HIBCH: variants seen among roughly 807,000 people sequenced by gnomAD.
HIBCH encodes the protein 3-hydroxyisobutyryl-CoA hydrolase.
HIBCH carries 50 observed loss-of-function variants against 58.2 expected under a neutral mutation model. That is an observed-to-expected ratio of 0.86 (90% CI 0.68 to 1.09). HIBCH has a LOEUF of 1.09. HIBCH is among the 50% of genes least tolerant of loss of function. HIBCH has a pLI of 0.00. For synonymous variants in HIBCH, 151 were observed against 146.9 expected (o/e 1.03, Z -0.20); for missense variants, 450 against 449.7 (o/e 1.00, Z -0.01).
chr2:190,252,089 C>T lies in HIBCH; in HGVS notation c.663+73G>A, dbSNP rs920309417. The T allele has an allele frequency of 2.9e-6, 4 of 1,401,244 alleles. No homozygotes were observed. The African/African-American group carries it at 4.2e-5, about 15-fold the overall frequency. 86.8% of individuals were successfully genotyped at this position (1,401,244 alleles called of 1,614,324 possible). On this transcript the variant is annotated intron_variant, in intron 8 of 13. Coordinates refer to ENST00000359678, the MANE Select transcript of HIBCH (RefSeq NM_014362.4). ...CCAGAAGTCTGTGGCTCTCAACCAC[C>T]CATTGTACCTTCCCATGCACTATTT...
At chr2:190,212,653 G>A (rs1480213392) in intron 12 of HIBCH, among the ~76,000 whole-genome samples, 1 of 151,990 alleles carries the variant, frequency 6.6e-6, no homozygotes, top group East Asian at 1.9e-4. Context: ...TATATGCCTT[G>A]CCCAAGGTCA....
chr2:190,252,364 T>A (rs1292518498), intron 7 of HIBCH, 57 bp from the exon 8 acceptor site: 3 of 1,461,156 alleles, frequency 2.1e-6, no homozygotes, highest in Non-Finnish European at 2.9e-6. Context: ...AAGATAAATA[T>A]AACCTTTTTG....
chr2:190,259,318 G>GGTGTGTGTGTGTGT (rs1364718798), intron 7 of HIBCH, among the ~76,000 whole-genome samples: 7 of 71,202 alleles, frequency 9.8e-5, no homozygotes, highest in Admixed American at 1.7e-4. Context: ...TCAGTATACA[G>GGTGTGTGTGTGTGT]ATGTGTGTGT....
rs1326393490 is a variant in HIBCH at position 190,243,587 on chromosome 2, A to G, written c.891+1300T>C. On this transcript the variant is annotated intron_variant, in intron 11 of 13. Coordinates refer to ENST00000359678, the MANE Select transcript of HIBCH (RefSeq NM_014362.4). This position sits in a 1 kb window ranked among gnomAD's most constrained non-coding sequence, Gnocchi z 4.1. ...AATAAATGGCTGGTCTACCTGCTCT[A>G]ATTTATGCCCATCCTTGAAAGTTAA... is the stretch of plus-strand genomic sequence containing the variant. 2.0e-5 allele frequency among the ~76,000 whole-genome samples: 3 copies of G among 152,154 alleles called. No individual in the cohort carries two copies.
intron 9 of HIBCH, among the ~76,000 whole-genome samples, chr2:190,248,210 A>C (rs957539627): frequency 2.0e-5 from 3 of 152,212 alleles, no homozygotes; most frequent in South Asian, 2.1e-4. Context: ...TATGCAAAGC[A>C]CTAAAATTAG....
Position 190,244,946 on chromosome 2 carries a change from C to T in HIBCH, c.832G>A (p.Glu278Lys), listed in dbSNP as rs778325186. The T allele has an allele frequency of 4.4e-6, 7 of 1,608,534 alleles. No homozygotes were observed. The highest frequency in any genetic ancestry group is 6.0e-6 in the Non-Finnish European group (7 of 1,175,006). The stretch of plus-strand genomic sequence containing the variant: ...TGCTGTAAGTTTTCAATAATTTCTT[C>T]CACAGTATTGGCTGAAAAACAACTA... ...INSCFSANTV[E>K]EIIENLQQDG... The change falls in exon 11 of 14, where the codon GAA becomes AAA. Residue 278 changes from glutamate (E) to lysine (K), a missense_variant. Transcript: ENST00000359678.
intron 2 of HIBCH, among the ~76,000 whole-genome samples, chr2:190,298,980 A>G (rs2664260): frequency 0.55 from 83,914 of 152,012 alleles, 23,852 homozygotes; most frequent in South Asian, 0.6. Context: ...CAGTTTTCCC[A>G]GCACCATTTA....
rs953362395 is a variant in HIBCH at position 190,194,359 on chromosome 2, T to G, written c.*18-4362A>C. Among the ~76,000 whole-genome samples, 3 of 152,142 alleles carry G rather than the reference T, an allele frequency of 2.0e-5. No individual in the cohort carries two copies. The East Asian group carries it at 5.8e-4, about 29-fold the overall frequency. On this transcript the variant is annotated intron_variant, in intron 1 of 1. Coordinates refer to the HIBCH transcript ENST00000399855. ...GTTTGTCAGTTTTAAGTTGTGTATC[T>G]TTTATAGATAGCATATAGTGGGTGT...
intron 2 of HIBCH, among the ~76,000 whole-genome samples, chr2:190,303,401 G>A (rs1341752141): frequency 6.8e-6 from 1 of 146,868 alleles, no homozygotes; most frequent in Non-Finnish European, 1.5e-5. Flanking sequence ...CACGAAATGA[G>A]TCCAGAGCAT....
intron 6 of HIBCH, among the ~76,000 whole-genome samples, chr2:190,275,562 G>C (rs1687525319): frequency 6.6e-6 from 1 of 152,300 alleles, no homozygotes; most frequent in South Asian, 2.1e-4. Flanking sequence ...TATGAATTAC[G>C]CTAAAATTGA....
intron 6 of HIBCH, chr2:190,280,003 G>A (rs1687661525): frequency 6.6e-6 from 1 of 152,260 alleles, no homozygotes; most frequent in African/African-American, 2.4e-5. Flanking sequence ...CTGTACTCTT[G>A]TAGCAAAACT....
chr2:190,220,435 C>G (rs552331843), intron 11 of HIBCH: 1 of 152,092 alleles, frequency 6.6e-6, no homozygotes, highest in African/African-American at 2.4e-5. Flanking sequence ...GACTTCGGTA[C>G]AGGAAAAGTT....
chr2:190,257,271 T>A (rs993180101), intron 7 of HIBCH, among the ~76,000 whole-genome samples: 1 of 152,152 alleles, frequency 6.6e-6, no homozygotes, highest in African/African-American at 2.4e-5. Context: ...TGTAGTAACA[T>A]CTTTAAATTA....
At chr2:190,205,869 GA>G (rs903688424) in intron 13 of HIBCH, among the ~76,000 whole-genome samples, 1 of 151,424 alleles carries the variant, frequency 6.6e-6, no homozygotes, top group Non-Finnish European at 1.5e-5. Flanking sequence ...TAACTTCTCC[GA>G]AAAAAAAGGG....
chr2:190,278,773 C>G (rs1687627333), intron 6 of HIBCH, among the ~76,000 whole-genome samples: 1 of 150,504 alleles, frequency 6.6e-6, no homozygotes, highest in South Asian at 2.1e-4. Context: ...AGGTCTCACT[C>G]CACTGTCCAC....
At chr2:190,191,330 A>T (rs1386087859) in intron 1 of HIBCH, among the ~76,000 whole-genome samples, 1 of 151,722 alleles carries the variant, frequency 6.6e-6, no homozygotes, top group Non-Finnish European at 1.5e-5. Flanking sequence ...TTTTCAGTAG[A>T]GACAGAGTTT....
chr2:190,196,832 G>C (rs1690001512), intron 1 of HIBCH, among the ~76,000 whole-genome samples: 1 of 152,136 alleles, frequency 6.6e-6, no homozygotes, highest in Non-Finnish European at 1.5e-5. Flanking sequence ...CTGAGTAGTT[G>C]TAACATAGAC....
chr2:190,287,446 G>C (rs1472406469), intron 6 of HIBCH, 140 bp downstream of exon 6: 3 of 679,290 alleles, frequency 4.4e-6, no homozygotes, highest in Non-Finnish European at 7.9e-6. Context: ...TCTCAAATCT[G>C]TCAGGATCCA....
intron 6 of HIBCH, among the ~76,000 whole-genome samples, chr2:190,270,335 TA>T (rs1198018425): frequency 6.6e-6 from 1 of 151,818 alleles, no homozygotes; most frequent in Non-Finnish European, 1.5e-5. Flanking sequence ...CCATGATTTA[TA>T]CTAATGGCAA....
Sources: allele counts gnomAD v4.1 joint callset (sites outside exome capture counted in the v4.1 genomes callset), GRCh38; gene constraint gnomAD v4.1.1; non-coding constraint Gnocchi (gnomAD v3.1); transcripts MANE v1.5; gene names NCBI Gene and HGNC (gene_info 2026-07-23, HGNC 2026-07-21).